The following SNX14 variants were observed in gnomAD, a reference collection of about 807,000 sequenced individuals.
SNX14 encodes the protein sorting nexin-14.
Under a neutral mutation model 133.8 loss-of-function variants are expected in SNX14, and 93 were observed. That is an observed-to-expected ratio of 0.70 (90% CI 0.59 to 0.83). The LOEUF is 0.83. Among genes scored for constraint, SNX14 ranks in the 40% least tolerant of loss-of-function variants. The probability of loss-of-function intolerance (pLI) is 0.00; values close to 1 mark genes in which losing one functional copy is unlikely to be tolerated. For synonymous variants in SNX14, 368 were observed against 365.6 expected (o/e 1.01, Z -0.07); for missense variants, 945 against 1,094.9 (o/e 0.86, Z 1.93).
At chr6:85,543,563 G>A (rs768244862) in intron 13 of SNX14, 42 bp downstream of exon 13, 1 of 1,478,070 alleles carries the variant, frequency 6.8e-7, no homozygotes, top group Non-Finnish European at 9.2e-7. Context: ...TGGAAAAACT[G>A]TAAGAGTGCT....
At chr6:85,552,859 C>A (rs531113763) in intron 7 of SNX14, among the ~76,000 whole-genome samples, 11 of 152,158 alleles carry the variant, frequency 7.2e-5, no homozygotes, top group Non-Finnish European at 1.3e-4. Flanking sequence ...TTTCTGCTAA[C>A]CCCAGGTTTT....
Position 85,506,143 on chromosome 6 carries a change from T to G in SNX14, c.2803-138A>C, listed in dbSNP as rs1198067537. ...AAAATAAATTGGCTGGCATATGGAG[T>G]GAGAAATATCTATGTTCTAGATATG... On this transcript the variant is annotated intron_variant, in intron 28 of 28. Coordinates refer to ENST00000314673, the MANE Select transcript of SNX14 (RefSeq NM_153816.6). 7.9e-6 allele frequency: 5 copies of G among 632,726 alleles called. No homozygotes were observed. In the Admixed American group the frequency reaches 1.4e-4, roughly 18 times the overall value. 39.2% of individuals were successfully genotyped at this position (632,726 alleles called of 1,614,324 possible). A position where few individuals can be genotyped will look rare whatever the true frequency, so the allele number is the denominator to read the frequency against.
At chr6:85,563,062 T>G (rs1377018170) in intron 6 of SNX14, among the ~76,000 whole-genome samples, 1 of 152,204 alleles carries the variant, frequency 6.6e-6, no homozygotes, top group African/African-American at 2.4e-5. Context: ...AAAACATATT[T>G]ATTTGCTGTG....
intron 7 of SNX14, among the ~76,000 whole-genome samples, chr6:85,556,292 A>T (rs1789738963): frequency 6.6e-6 from 1 of 151,942 alleles, no homozygotes; most frequent in Non-Finnish European, 1.5e-5. Context: ...GGCTAGGCAC[A>T]GTGGCTCACA....
intron 18 of SNX14, among the ~76,000 whole-genome samples, chr6:85,531,392 T>C (rs1562247343): frequency 6.6e-6 from 1 of 152,226 alleles, no homozygotes; most frequent in Non-Finnish European, 1.5e-5. Flanking sequence ...ATGTTAACTG[T>C]TATTGTTAAC....
At chr6:85,591,159 C>A (rs894049571) in intron 1 of SNX14, among the ~76,000 whole-genome samples, 3 of 152,050 alleles carry the variant, frequency 2.0e-5, no homozygotes, top group South Asian at 4.2e-4. Context: ...ACCTAGTATA[C>A]CCCATCTCAG....
At chr6:85,575,322 C>T (rs1425114670) in intron 1 of SNX14, among the ~76,000 whole-genome samples, 1 of 152,224 alleles carries the variant, frequency 6.6e-6, no homozygotes, top group Non-Finnish European at 1.5e-5. Flanking sequence ...TATTTATTAA[C>T]TGTGAGTAAC....
At chr6:85,520,199 C>T (rs1260722794) in intron 21 of SNX14, among the ~76,000 whole-genome samples, 3 of 151,668 alleles carry the variant, frequency 2.0e-5, no homozygotes, top group African/African-American at 4.8e-5. Flanking sequence ...CACGCCACCA[C>T]GCCCAGCTAA....
chr6:85,592,843 A>T (rs1247573456), intron 1 of SNX14, among the ~76,000 whole-genome samples: 1 of 145,970 alleles, frequency 6.9e-6, no homozygotes, highest in Non-Finnish European at 1.5e-5. Flanking sequence ...AAAAAAAAAA[A>T]TACAAAAAAA....
At chr6:85,533,892 C>A in intron 17 of SNX14, 92 bp from the exon 18 acceptor site, 1 of 963,660 alleles carries the variant, frequency 1.0e-6, no homozygotes, top group Non-Finnish European at 1.5e-6. Flanking sequence ...ATGCCCATAT[C>A]AATTGATAAT....
chr6:85,592,509 T>C (rs1022677600), intron 1 of SNX14, among the ~76,000 whole-genome samples: 3 of 152,238 alleles, frequency 2.0e-5, no homozygotes, highest in Admixed American at 2.0e-4. Flanking sequence ...TTAATTTTAA[T>C]GGAAAAGTCT....
At chr6:85,513,517 A>G (rs1052259390) in intron 26 of SNX14, among the ~76,000 whole-genome samples, 1 of 152,216 alleles carries the variant, frequency 6.6e-6, no homozygotes, top group Non-Finnish European at 1.5e-5. Context: ...CAGGCCTTCA[A>G]TTGTCCCACA....
intron 23 of SNX14, among the ~76,000 whole-genome samples, chr6:85,514,936 T>C (rs886885651): frequency 3.3e-5 from 5 of 152,046 alleles, no homozygotes; most frequent in African/African-American, 1.2e-4. Context: ...CATAAAAAGA[T>C]GTACAAATAT....
intron 1 of SNX14, among the ~76,000 whole-genome samples, chr6:85,586,002 A>C (rs900766847): frequency 2.0e-4 from 30 of 152,062 alleles, no homozygotes; most frequent in Non-Finnish European, 3.8e-4. Context: ...AAAAAAAAAA[A>C]AAAAAACTAA....
intron 1 of SNX14, among the ~76,000 whole-genome samples, chr6:85,577,742 A>G (rs1797779145): frequency 6.6e-6 from 1 of 152,218 alleles, no homozygotes; most frequent in Admixed American, 6.5e-5. Flanking sequence ...GAAGAATTGG[A>G]AAGAAAACCA....
intron 7 of SNX14, among the ~76,000 whole-genome samples, chr6:85,550,587 C>G (rs999891537): frequency 6.6e-6 from 1 of 152,078 alleles, no homozygotes; most frequent in African/African-American, 2.4e-5. Context: ...TAGCCTCGAC[C>G]TCCTTGGCTC....
chr6:85,565,417 T>C lies in SNX14; in HGVS notation c.464A>G (p.Asp155Gly). The part of the protein sequence containing the change: ...LENFVYPWYR[D>G]VTDDESFVDE... ...AACAAAGGATTCATCATCTGTCACA[T>C]CCCTTCAATAAGGAGAAAAACAAAT... Residue 155 changes from aspartate to glycine, a missense_variant and splice_region_variant, in exon 6 of 29, where the codon GAT (aspartate) becomes GGT (glycine). This residue lies in a region of SNX14 where 514 missense variants were observed against 538.8 expected (regional missense o/e 0.95). Transcript: ENST00000314673. 2 of 1,591,154 alleles carry C rather than the reference T, an allele frequency of 1.3e-6. No homozygotes were observed. Among genetic ancestry groups the C allele is most frequent in the Non-Finnish European group, 1.7e-6 (2 of 1,167,292 alleles).
At chr6:85,590,836 G>T (rs1802544227) in intron 1 of SNX14, among the ~76,000 whole-genome samples, 1 of 152,178 alleles carries the variant, frequency 6.6e-6, no homozygotes, top group Non-Finnish European at 1.5e-5. Flanking sequence ...TGGCATAGCT[G>T]CAGCAACAGC....
chr6:85,526,181 G>T lies in SNX14; in HGVS notation c.2052C>A (p.Ser684=). The stretch of plus-strand genomic sequence containing the variant: ...GAAATTGTGTTTCCCCACCATTAGG[G>T]GAAAGAAAGTCTGCCAGAAGTTGAC... ...SNSQLLADFL[S]PNGGETQFLD... Residue 684 remains serine, a synonymous_variant, in exon 21 of 29, where the codon TCC becomes TCA. Transcript: ENST00000314673. 6.2e-7 allele frequency: 1 copy of T among 1,608,208 alleles called. No individual in the cohort carries two copies. The highest frequency in any genetic ancestry group is 8.5e-7 in the Non-Finnish European group (1 of 1,177,364).
Sources: gnomAD v4.1 joint callset for allele counts (sites outside exome capture counted in the v4.1 genomes callset) on GRCh38, gnomAD v4.1.1 for gene constraint, gnomAD v4.1.1 regional missense constraint, MANE v1.5 for transcripts, NCBI Gene and HGNC (gene_info 2026-07-23, HGNC 2026-07-21) for gene names.